The following HSPA8 variants were observed in gnomAD, a reference collection of about 807,000 sequenced individuals.
The protein encoded by HSPA8 is heat shock cognate 71 kDa protein.
A neutral mutation model predicts 52.8 loss-of-function variants in HSPA8; 2 were observed. That is an observed-to-expected ratio of 0.04 (90% CI 0.02 to 0.12). The LOEUF is 0.12. HSPA8 is among the 10% of genes least tolerant of loss of function. HSPA8 has a pLI of 1.00. For missense variants in HSPA8, 349 were observed against 800.5 expected, an observed-to-expected ratio of 0.44 and a Z score of 6.81; for synonymous variants, 436 against 274.0, an observed-to-expected ratio of 1.59 and a Z score of -5.84.
In HSPA8 at chr11:123,057,852, G is replaced by C. The variant is rs1487646632; in HGVS notation, c.1823C>G (p.Thr608Ser). 3.7e-6 allele frequency: 6 copies of C among 1,613,402 alleles called. No individual in the cohort carries two copies. Among genetic ancestry groups the C allele is most frequent in the Non-Finnish European group, 5.1e-6 (6 of 1,179,686 alleles). The part of the protein sequence containing the change: ...ELEKVCNPII[T>S]KLYQSAGGMP... ...GCCTCCTGCACTCTGGTACAGCTTG[G>C]TGATGATGGGGTTGCAAACTTTCTC... Residue 608 changes from threonine to serine, a missense_variant, in exon 9 of 9, where the codon ACC (threonine) becomes AGC (serine). Coordinates refer to ENST00000534624, the MANE Select transcript of HSPA8 (RefSeq NM_006597.6).
chr11:123,059,338 C>T (rs1865421052), intron 5 of HSPA8, 77 bp from the exon 6 acceptor site: 2 of 1,406,002 alleles, frequency 1.4e-6, no homozygotes, highest in Middle Eastern at 1.8e-4. Flanking sequence ...CTATCACTCG[C>T]TCAGACATCC....
At chr11:123,060,877 C>T (rs1347598264) in intron 2 of HSPA8, 79 bp from the exon 3 acceptor site, 4 of 1,302,852 alleles carry the variant, frequency 3.1e-6, no homozygotes, top group African/African-American at 1.5e-5. Flanking sequence ...TACTCAAATA[C>T]CTAACAGTTC....
chr11:123,061,002 TAAC>T (rs1408242157), intron 2 of HSPA8, 115 bp downstream of exon 2: 23 of 963,066 alleles, frequency 2.4e-5, no homozygotes, highest in African/African-American at 2.3e-4. Flanking sequence ...ACAGACTTGA[TAAC>T]AAGTCTCTCA....
At position 123,058,286 on chromosome 11, in the gene HSPA8, C is replaced by T; in HGVS notation, c.1721G>A (p.Cys574Tyr). 2 of 1,540,176 alleles carry T rather than the reference C, an allele frequency of 1.3e-6. No individual in the cohort carries two copies. The highest frequency in any genetic ancestry group is 2.3e-5 in the East Asian group (1 of 43,824). ...DEDKQKILDK[C>Y]NEIINWLDKN... is the part of the protein sequence containing the mutation. ...ATCAAGCCAGTTGATAATTTCATTA[C>T]ACTTGTCCAGAATCTTCTGTTTGTC... Residue 574 changes from cysteine to tyrosine, a missense_variant, in exon 8 of 9, where the codon TGT (cysteine) becomes TAT (tyrosine). Transcript: ENST00000534624.
chr11:123,058,074 G>A, intron 8 of HSPA8, 155 bp from the exon 9 acceptor site: 2 of 721,254 alleles, frequency 2.8e-6, no homozygotes, highest in East Asian at 2.6e-5. Flanking sequence ...TTAACATCTT[G>A]GGTCACTCAG....
rs745458075 is a variant in HSPA8, at chr11:123,059,645, T to C, written c.948A>G (p.Pro316=). ...NADLFRGTLD[P]VEKALRDAKL... ...TGGCATCTCGAAGGGCTTTCTCTAC[T>C]GGGTCCAGGGTGCCACGGAACAGGT... Residue 316 remains proline, a synonymous_variant, in exon 5 of 9, where the codon CCA becomes CCG. Transcript: ENST00000534624. The C allele has an allele frequency of 1.2e-5, 19 of 1,614,034 alleles. No individual in the cohort carries two copies. In the Admixed American group the frequency reaches 1.7e-4, roughly 14 times the overall value.
Position 123,057,873 on chromosome 11 carries a change from T to C in HSPA8, c.1802A>G (p.Lys601Arg). The C allele has an allele frequency of 6.2e-7, 1 of 1,612,806 alleles. No homozygotes were observed. ...CTTGGTGATGATGGGGTTGCAAACT[T>C]TCTCCAGCTCTTTCTGTTGATGTTC... ...EFEHQQKELE[K>R]VCNPIITKLY... is the part of the protein sequence containing the mutation. The change falls in exon 9 of 9, where the codon AAA (lysine) becomes AGA (arginine). Residue 601 changes from lysine (K) to arginine (R), a missense_variant. Coordinates refer to ENST00000534624, the MANE Select transcript of HSPA8 (RefSeq NM_006597.6).
At chr11:123,061,597 A>G in intron 1 of HSPA8, 1 of 504,788 alleles carries the variant, frequency 2.0e-6, no homozygotes, top group Admixed American at 3.3e-5. Flanking sequence ...CCCCGAACTG[A>G]GCACTGTCTG....
chr11:123,062,299 C>G (rs1315002901), upstream of HSPA8: 1 of 152,586 alleles, frequency 6.6e-6, no homozygotes, highest in Non-Finnish European at 1.5e-5. Context: ...GGCCTCGCCC[C>G]CTTCCGCACC....
chr11:123,061,366 A>C (rs749566794), intron 1 of HSPA8, 37 bp from the exon 2 acceptor site: 41 of 1,487,330 alleles, frequency 2.8e-5, no homozygotes, highest in Non-Finnish European at 3.5e-5. Context: ...AAATTCAATT[A>C]ATCAAAATAT....
chr11:123,059,395 A>AATGTTT, intron 5 of HSPA8, 78 bp downstream of exon 5: 1 of 1,405,132 alleles, frequency 7.1e-7, no homozygotes, highest in Non-Finnish European at 9.8e-7. Flanking sequence ...GGAAACTACG[A>AATGTTT]ATGTTTAACA....
upstream of HSPA8, chr11:123,062,405 G>C (rs112181588): frequency 8.5e-5 from 13 of 152,578 alleles, no homozygotes; most frequent in African/African-American, 2.9e-4. Context: ...CGGGGAAAGG[G>C]AGGGTGGGGC....
rs1229333581 is a variant in HSPA8 at position 123,060,482 on chromosome 11, C to T, written c.411+111G>A. On this transcript the variant is annotated intron_variant, in intron 3 of 8. Coordinates refer to ENST00000534624, the MANE Select transcript of HSPA8 (RefSeq NM_006597.6). ...GCACTGTTGGGCACGTGGTCTTAAC[C>T]CTGAGCTGAGCCCCATCTGTTCCCC... 11 of 974,860 alleles carry T rather than the reference C, an allele frequency of 1.1e-5. No homozygotes were observed. The Admixed American group carries it at 1.5e-4, about 14-fold the overall frequency. The allele number at this position is 974,860 out of a possible 1,614,324, so 60.4% of individuals were successfully genotyped here. A position where few individuals can be genotyped will look rare whatever the true frequency, so the allele number is the denominator to read the frequency against.
At position 123,058,242 on chromosome 11, in the gene HSPA8, A is replaced by AAAC. The variant is rs1555074107; in HGVS notation, c.1755+7_1755+9dup. On this transcript the variant is annotated intron_variant, in intron 8 of 8. Coordinates refer to ENST00000534624, the MANE Select transcript of HSPA8 (RefSeq NM_006597.6). ...GTGGGGGAGGAAAAAAAAAAAAAAAAAACACAAACCTGATTCTTATCAAGC... is the reference window on the plus strand; with the variant it reads ...GTGGGGGAGGAAAAAAAAAAAAAAAAAACAACACAAACCTGATTCTTATCAAGC... 6 of 1,517,628 alleles carry AAAC rather than the reference A, an allele frequency of 4.0e-6. No individual in the cohort carries two copies. In the East Asian group the frequency reaches 1.4e-4, roughly 34 times the overall value. 94.0% of individuals were successfully genotyped at this position (1,517,628 alleles called of 1,614,324 possible). A position where few individuals can be genotyped will look rare whatever the true frequency, so the allele number is the denominator to read the frequency against.
At chr11:123,060,367 ACC>A in intron 3 of HSPA8, 99 bp from the exon 4 acceptor site, 2 of 1,106,996 alleles carry the variant, frequency 1.8e-6, no homozygotes, top group Non-Finnish European at 2.6e-6. Context: ...CAGCTGGAGC[ACC>A]CCCCCCACCA....
rs761855165 is a variant in HSPA8 at position 123,059,864 on chromosome 11, A to C, written c.729T>G (p.Ala243=). 1 of 1,613,402 alleles carries C rather than the reference A, an allele frequency of 6.2e-7. No homozygotes were observed. The highest frequency in any genetic ancestry group is 8.5e-7 in the Non-Finnish European group (1 of 1,179,870). Residue 243 remains alanine, a synonymous_variant, in exon 5 of 9, where the codon GCT becomes GCG. Coordinates refer to ENST00000534624, the MANE Select transcript of HSPA8 (RefSeq NM_006597.6). ...FDNRMVNHFI[A]EFKRKHKKDI... is the part of the protein sequence containing the mutation. ...CCTTCTTATGCTTGCGCTTAAACTC[A>C]GCAATAAAATGGTTGACCATTCGGT...
At chr11:123,058,226 GAAA>G (rs71057327) in intron 8 of HSPA8, 23 bp downstream of exon 8, 2,445 of 1,007,398 alleles carry the variant, frequency 2.4e-3, no homozygotes, top group East Asian at 6.9e-3. Context: ...AGTGGGGGAG[GAAA>G]AAAAAAAAAA....
At position 123,058,847 on chromosome 11, in the gene HSPA8, AC is replaced by A. The variant is rs1289815877; in HGVS notation, c.1324-18del. 1 of 1,607,040 alleles carries A rather than the reference AC, an allele frequency of 6.2e-7. No homozygotes were observed. The highest frequency in any genetic ancestry group is 1.3e-5 in the African/African-American group (1 of 74,744). On this transcript the variant is annotated intron_variant, in intron 6 of 8. Coordinates refer to ENST00000534624, the MANE Select transcript of HSPA8 (RefSeq NM_006597.6). ...TTCATAAACCTTGGTAGGAAATAAA[AC>A]AAATTACTACAATGGACTCCAGGTC...
In HSPA8 at chr11:123,058,243, A is replaced by C. The variant is rs543340698; in HGVS notation, c.1755+9T>G. ...TGGGGGAGGAAAAAAAAAAAAAAAA[A>C]ACACAAACCTGATTCTTATCAAGCC... is the stretch of plus-strand genomic sequence containing the variant. On this transcript the variant is annotated intron_variant, in intron 8 of 8. Transcript: ENST00000534624. 31 of 1,510,510 alleles carry C rather than the reference A, an allele frequency of 2.1e-5. No homozygotes were observed. Among genetic ancestry groups the C allele is most frequent in the South Asian group, 7.2e-5 (6 of 83,712 alleles). 93.6% of individuals were successfully genotyped at this position (1,510,510 alleles called of 1,614,324 possible).
Sources: gnomAD v4.1 joint callset for allele counts on GRCh38, gnomAD v4.1.1 for gene constraint, MANE v1.5 for transcripts, NCBI Gene and HGNC (gene_info 2026-07-23, HGNC 2026-07-21) for gene names.